DNAAF5: variants seen among roughly 807,000 people sequenced by gnomAD.
The protein encoded by DNAAF5 is HEAT repeat containing 2.
A neutral mutation model predicts 75.8 loss-of-function variants in DNAAF5; 64 were observed. That is an observed-to-expected ratio of 0.84 (90% CI 0.69 to 1.04). DNAAF5 has a LOEUF of 1.04. Ranked by LOEUF, DNAAF5 falls within the 50% of genes least tolerant of loss-of-function variation. DNAAF5 has a pLI of 0.00. For synonymous variants in DNAAF5, 657 were observed against 557.2 expected (o/e 1.18, Z -2.52); for missense variants, 1,269 against 1,178.5 (o/e 1.08, Z -1.12).
chr7:767,333 C>G (rs1778341350), intron 8 of DNAAF5, among the ~76,000 whole-genome samples: 1 of 151,422 alleles, frequency 6.6e-6, no homozygotes, highest in Non-Finnish European at 1.5e-5. Flanking sequence ...CTGGGAGTGC[C>G]AAGGTGCTTT....
intron 10 of DNAAF5, among the ~76,000 whole-genome samples, chr7:774,645 G>T (rs1377822762): frequency 6.6e-6 from 1 of 152,148 alleles, no homozygotes; most frequent in East Asian, 1.9e-4. Context: ...GCCGCCCGGC[G>T]GGAAGGCGCT....
At chr7:784,221 G>A (rs965523428) in intron 12 of DNAAF5, among the ~76,000 whole-genome samples, 1 of 152,156 alleles carries the variant, frequency 6.6e-6, no homozygotes, top group African/African-American at 2.4e-5. Context: ...TCAGTCTCTT[G>A]GTCTTTCCCT....
At position 756,885 on chromosome 7, in the gene DNAAF5, T is replaced by A; in HGVS notation, c.1361T>A (p.Leu454Gln). The A allele has an allele frequency of 6.2e-7, 1 of 1,613,500 alleles. No individual in the cohort carries two copies. Among genetic ancestry groups the A allele is most frequent in the Middle Eastern group, 1.6e-4 (1 of 6,062 alleles). ...AAGACGCCCTCTGCCTCCGGCCTCC[T>A]GGTGCTGGCCTCCGCCATGCGGGGT... is the stretch of plus-strand genomic sequence containing the variant. ...LKKTPSASGL[L>Q]VLASAMRGCP... Residue 454 changes from leucine to glutamine, a missense_variant, in exon 6 of 13, where the codon CTG becomes CAG. Leu to Gln is a moderately radical substitution (Grantham distance 113, BLOSUM62 -2). Transcript: ENST00000297440.
At chr7:757,170 C>T (rs902714862) in intron 6 of DNAAF5, among the ~76,000 whole-genome samples, 176 bp downstream of exon 6, 1 of 152,262 alleles carries the variant, frequency 6.6e-6, no homozygotes, top group Non-Finnish European at 1.5e-5. Flanking sequence ...ATCGGAAACA[C>T]CTGCAGTAAC....
intron 7 of DNAAF5, among the ~76,000 whole-genome samples, chr7:762,252 G>A (rs979740280): frequency 4.6e-5 from 7 of 152,170 alleles, no homozygotes; most frequent in South Asian, 4.1e-4. Flanking sequence ...TTGGGAGGCC[G>A]AGGTGGGCGG....
chr7:768,484 G>C (rs1350154459), intron 8 of DNAAF5: 2 of 144,760 alleles, frequency 1.4e-5, no homozygotes, highest in Admixed American at 6.8e-5. Flanking sequence ...GGAAGTGTCC[G>C]TGCAGCGAGC....
At chr7:769,491 C>T (rs181559561) in intron 8 of DNAAF5, among the ~76,000 whole-genome samples, 38 of 152,290 alleles carry the variant, frequency 2.5e-4, no homozygotes, top group African/African-American at 8.4e-4. Context: ...CGGAGAGCAG[C>T]CACGGTGCAG....
At chr7:750,824 C>T (rs891716113) in intron 4 of DNAAF5, 1 of 167,120 alleles carries the variant, frequency 6.0e-6, no homozygotes. Flanking sequence ...GACCCCTCCC[C>T]GGCTGTTCCT....
chr7:741,336 T>C lies in DNAAF5; in HGVS notation c.906-11T>C, dbSNP rs986729896. On this transcript the variant is annotated splice_polypyrimidine_tract_variant and intron_variant, in intron 3 of 12. Transcript: ENST00000297440. ...GCCCTGAGCCACTGTTGTCTGTCTG[T>C]TGTGCCTCAGGCAGCTGGCTGCCAG... is the stretch of plus-strand genomic sequence containing the variant. The C allele has an allele frequency of 6.3e-7, 1 of 1,581,214 alleles. No homozygotes were observed. Among genetic ancestry groups the C allele is most frequent in the African/African-American group, 1.3e-5 (1 of 74,610 alleles).
At chr7:770,974 G>A (rs151210076) in intron 9 of DNAAF5, 6 of 202,640 alleles carry the variant, frequency 3.0e-5, no homozygotes, top group African/African-American at 9.1e-5. Flanking sequence ...ACAAGCTCTC[G>A]GCAGGGAATG....
chr7:743,120 G>A (rs28545348), intron 4 of DNAAF5, among the ~76,000 whole-genome samples: 118,993 of 152,126 alleles, frequency 0.78, 46,853 homozygotes, highest in South Asian at 0.87. Flanking sequence ...TCCCAACTAC[G>A]CGGGGGGCCA....
chr7:767,369 C>G (rs1466574933), intron 8 of DNAAF5, among the ~76,000 whole-genome samples: 2 of 152,098 alleles, frequency 1.3e-5, no homozygotes, highest in Non-Finnish European at 1.5e-5. Context: ...CGCTGCGCAT[C>G]TGGAATTGCC....
At chr7:780,583 G>C (rs1449089386) in intron 12 of DNAAF5, among the ~76,000 whole-genome samples, 1 of 152,244 alleles carries the variant, frequency 6.6e-6, no homozygotes, top group Non-Finnish European at 1.5e-5. Flanking sequence ...GAAATACGTG[G>C]AAAATAATCT....
At chr7:739,077 TGGC>T in intron 2 of DNAAF5, among the ~76,000 whole-genome samples, 2 of 142,314 alleles carry the variant, frequency 1.4e-5, no homozygotes, top group East Asian at 4.1e-4. Context: ...GGCTGCAGTC[TGGC>T]TTGTCTCAGC....
chr7:773,695 C>T (rs1778651415), intron 9 of DNAAF5, among the ~76,000 whole-genome samples: 1 of 152,210 alleles, frequency 6.6e-6, no homozygotes, highest in African/African-American at 2.4e-5. Flanking sequence ...ACCACCGCAC[C>T]TGCCCTAGCC....
chr7:770,814 G>A (rs1243860886), intron 9 of DNAAF5, 196 bp downstream of exon 9: 2 of 524,126 alleles, frequency 3.8e-6, no homozygotes, highest in African/African-American at 2.0e-5. Context: ...CCTCCCCCAC[G>A]CCGAGTCTAA....
intron 1 of DNAAF5, among the ~76,000 whole-genome samples, chr7:727,881 C>A (rs1042564544): frequency 4.0e-5 from 6 of 151,402 alleles, no homozygotes; most frequent in Non-Finnish European, 5.9e-5. Context: ...TGGAAACCAC[C>A]GCAGAAATTC....
intron 1 of DNAAF5, among the ~76,000 whole-genome samples, chr7:728,875 GC>G (rs1275931698): frequency 1.1e-4 from 16 of 152,198 alleles, no homozygotes; most frequent in African/African-American, 3.1e-4. Context: ...CTGGGCAACG[GC>G]AGAGAGGTTG....
In DNAAF5 at chr7:754,340, G is replaced by A. The variant is rs1000385357; in HGVS notation, c.1025-249G>A. ...GGGTCTTTGCCATGTTGCCCAGGCTGGTCTTGACTTCCTGGGCTCTAGTGA... is the reference window on the plus strand; with the variant it reads ...GGGTCTTTGCCATGTTGCCCAGGCTAGTCTTGACTTCCTGGGCTCTAGTGA... On this transcript the variant is annotated intron_variant, in intron 4 of 12. Transcript: ENST00000297440. The surrounding 1 kb of genome is among the most constrained non-coding windows in gnomAD (Gnocchi z 4.8). Among the ~76,000 whole-genome samples the A allele has an allele frequency of 6.6e-6, 1 of 152,120 alleles. No individual in the cohort carries two copies. Among genetic ancestry groups the A allele is most frequent in the Non-Finnish European group, 1.5e-5 (1 of 68,018 alleles).
Sources: gnomAD v4.1 joint callset for allele counts (sites outside exome capture counted in the v4.1 genomes callset) on GRCh38, gnomAD v4.1.1 for gene constraint, Gnocchi (gnomAD v3.1) non-coding constraint, MANE v1.5 for transcripts, NCBI Gene and HGNC (gene_info 2026-07-23, HGNC 2026-07-21) for gene names.